Variants in CFAP54 observed in about 807,000 individuals in gnomAD.
CFAP54 encodes cilia- and flagella-associated protein 54.
A neutral mutation model predicts 370.4 loss-of-function variants in CFAP54; 290 were observed. The ratio of observed to expected loss-of-function variants is 0.78; its 90% confidence interval spans 0.71 to 0.86. The LOEUF (loss-of-function observed/expected upper bound fraction) is 0.86, where lower values mean the gene tolerates loss of function less well. Ranked by LOEUF, CFAP54 falls within the 40% of genes least tolerant of loss-of-function variation. The pLI, the probability that CFAP54 is intolerant of heterozygous loss-of-function variation, is 0.00. For missense variants in CFAP54, 3,399 were observed against 3,528.7 expected, an observed-to-expected ratio of 0.96 and a Z score of 0.93; for synonymous variants, 1,206 against 1,236.5, an observed-to-expected ratio of 0.98 and a Z score of 0.52.
chr12:96,859,730 G>A (rs1315043764), intron 66 of CFAP54, among the ~76,000 whole-genome samples: 1 of 152,092 alleles, frequency 6.6e-6, no homozygotes, highest in Non-Finnish European at 1.5e-5. Flanking sequence ...TTAACACTGT[G>A]TAGTTATTCT....
At chr12:96,591,142 A>G (rs1956119503) in intron 23 of CFAP54, among the ~76,000 whole-genome samples, 1 of 152,212 alleles carries the variant, frequency 6.6e-6, no homozygotes, top group African/African-American at 2.4e-5. Context: ...TGCTAGGGAA[A>G]GTGAAAGTAT....
At chr12:96,525,958 A>G (rs1955376199) in intron 8 of CFAP54, among the ~76,000 whole-genome samples, 1 of 152,226 alleles carries the variant, frequency 6.6e-6, no homozygotes, top group Admixed American at 6.5e-5. Context: ...TGCTGGGATT[A>G]CAGGCGTGAG....
intron 23 of CFAP54, among the ~76,000 whole-genome samples, chr12:96,590,689 G>A (rs1331285443): frequency 1.3e-5 from 2 of 152,194 alleles, no homozygotes; most frequent in Non-Finnish European, 2.9e-5. Flanking sequence ...GACTTGTGGG[G>A]ATAAGAGAGA....
chr12:96,588,236 A>G (rs1956091350), intron 22 of CFAP54, among the ~76,000 whole-genome samples: 1 of 151,732 alleles, frequency 6.6e-6, no homozygotes, highest in South Asian at 2.1e-4. Context: ...AGTCTCTCTT[A>G]AATGTATTTT....
At chr12:96,868,088 C>T (rs1960051864) in intron 67 of CFAP54, among the ~76,000 whole-genome samples, 1 of 152,102 alleles carries the variant, frequency 6.6e-6, no homozygotes, top group Admixed American at 6.6e-5. Flanking sequence ...TCATTCCGGA[C>T]TCAACCCAGA....
intron 12 of CFAP54, 120 bp downstream of exon 12, chr12:96,535,720 C>A: frequency 1.7e-6 from 1 of 595,098 alleles, no homozygotes; most frequent in Non-Finnish European, 2.9e-6. Flanking sequence ...TTTGTTTAAT[C>A]ATTAGCATAT....
intron 32 of CFAP54, among the ~76,000 whole-genome samples, chr12:96,642,604 T>C (rs746051385): frequency 7.9e-5 from 12 of 152,346 alleles, no homozygotes; most frequent in Non-Finnish European, 1.5e-4. Context: ...TGTAACTCTT[T>C]TCCCTAATGG....
At chr12:96,529,667 TTTTAACC>T (rs1242829480) in intron 9 of CFAP54, among the ~76,000 whole-genome samples, 1 of 152,190 alleles carries the variant, frequency 6.6e-6, no homozygotes, top group East Asian at 1.9e-4. Context: ...GAGGTGCCTA[TTTTAACC>T]TTTTGTCCTT....
At chr12:96,677,727 G>A (rs765620283) in intron 39 of CFAP54, among the ~76,000 whole-genome samples, 4 of 152,154 alleles carry the variant, frequency 2.6e-5, no homozygotes, top group Non-Finnish European at 5.9e-5. Context: ...GTGTGATAGG[G>A]AATTGTGTCA....
intron 60 of CFAP54, among the ~76,000 whole-genome samples, chr12:96,773,074 A>G (rs1958480136): frequency 6.6e-6 from 1 of 152,164 alleles, no homozygotes; most frequent in African/African-American, 2.4e-5. Flanking sequence ...TCAGAGTTCC[A>G]TTGTAGAGGT....
chr12:96,728,680 CA>C (rs1210003653), intron 50 of CFAP54, among the ~76,000 whole-genome samples: 2 of 152,234 alleles, frequency 1.3e-5, no homozygotes, highest in Admixed American at 6.5e-5. Flanking sequence ...CTCAACTCGT[CA>C]AAGTCATTCT....
At chr12:96,593,788 C>T (rs1201952705) in intron 24 of CFAP54, among the ~76,000 whole-genome samples, 2 of 151,904 alleles carry the variant, frequency 1.3e-5, no homozygotes, top group East Asian at 3.8e-4. Context: ...ACTCTCAAAA[C>T]CTTAACTTTA....
At chr12:96,859,849 C>T (rs1004305794) in intron 66 of CFAP54, among the ~76,000 whole-genome samples, 11 of 152,032 alleles carry the variant, frequency 7.2e-5, no homozygotes, top group Non-Finnish European at 1.5e-4. Flanking sequence ...AAAAAACCAT[C>T]TGGAAGGATA....
At chr12:96,727,035 G>C (rs1957849938) in intron 50 of CFAP54, among the ~76,000 whole-genome samples, 1 of 152,224 alleles carries the variant, frequency 6.6e-6, no homozygotes, top group Non-Finnish European at 1.5e-5. Context: ...ACTGTGGTCT[G>C]AGAGACAGTT....
intron 19 of CFAP54, among the ~76,000 whole-genome samples, chr12:96,570,012 T>A (rs537546352): frequency 6.6e-6 from 1 of 152,278 alleles, no homozygotes; most frequent in South Asian, 2.1e-4. Context: ...AGGGTCTTGC[T>A]CTGTCAGCCT....
At chr12:96,517,678 A>G (rs895760803) in intron 5 of CFAP54, among the ~76,000 whole-genome samples, 6 of 152,224 alleles carry the variant, frequency 3.9e-5, no homozygotes, top group African/African-American at 1.4e-4. Flanking sequence ...CAAGGAATCA[A>G]CCTTAGTCTA....
At chr12:96,578,696 A>G (rs1265427966) in intron 20 of CFAP54, among the ~76,000 whole-genome samples, 4 of 152,160 alleles carry the variant, frequency 2.6e-5, no homozygotes, top group Non-Finnish European at 5.9e-5. Flanking sequence ...GGAAATTATC[A>G]CCATCTGTTA....
chr12:96,762,939 C>T, intron 58 of CFAP54, among the ~76,000 whole-genome samples: 1 of 152,070 alleles, frequency 6.6e-6, no homozygotes, highest in South Asian at 2.1e-4. Context: ...CACGGCCTTT[C>T]TTTTTCTCTG....
At chr12:96,767,481 T>G (rs1165939489) in intron 60 of CFAP54, among the ~76,000 whole-genome samples, 1 of 152,214 alleles carries the variant, frequency 6.6e-6, no homozygotes, top group African/African-American at 2.4e-5. Context: ...AGTTTCCATT[T>G]TATACCATTA....
Sources: allele counts gnomAD v4.1 joint callset (sites outside exome capture counted in the v4.1 genomes callset), GRCh38; gene constraint gnomAD v4.1.1; transcripts MANE v1.5; gene names NCBI Gene and HGNC (gene_info 2026-07-23, HGNC 2026-07-21).